Variants in TRIO observed in about 807,000 individuals in gnomAD.
TRIO encodes the protein trio Rho guanine nucleotide exchange factor.
Under a neutral mutation model 351.9 loss-of-function variants are expected in TRIO, and 58 were observed. That is an observed-to-expected ratio of 0.16 (90% CI 0.13 to 0.21). TRIO has a LOEUF of 0.21. TRIO is among the 10% of genes least tolerant of loss of function. The pLI is 1.00. For synonymous variants in TRIO, 1,758 were observed against 1,595.7 expected (o/e 1.10, Z -2.42); for missense variants, 3,201 against 4,027.8 (o/e 0.79, Z 5.56).
chr5:14,344,411 G>A (rs1742224841), intron 11 of TRIO, among the ~76,000 whole-genome samples: 2 of 152,186 alleles, frequency 1.3e-5, no homozygotes, highest in African/African-American at 4.8e-5. Flanking sequence ...TGAAATAATT[G>A]AGAAAATATA....
chr5:14,418,248 G>C lies in TRIO; in HGVS notation c.4960-1530G>C, dbSNP rs1005114966. ...AGGAGGGAGGTGCTTCTGGCCACTG[G>C]GGGGGACCTTTGCCTCCTATGCTAA... On this transcript the variant is annotated intron_variant, in intron 33 of 56. Transcript: ENST00000344204. 2.0e-5 allele frequency among the ~76,000 whole-genome samples: 3 copies of C among 152,218 alleles called. No individual in the cohort carries two copies. The South Asian group carries it at 6.2e-4, about 32-fold the overall frequency.
intron 34 of TRIO, among the ~76,000 whole-genome samples, chr5:14,442,089 T>C (rs1467010625): frequency 6.6e-6 from 1 of 152,204 alleles, no homozygotes; most frequent in Non-Finnish European, 1.5e-5. Flanking sequence ...TTTGTTTCAG[T>C]AACCTTTGAC....
intron 36 of TRIO, among the ~76,000 whole-genome samples, chr5:14,465,184 A>G (rs935226044): frequency 6.6e-6 from 1 of 151,998 alleles, no homozygotes; most frequent in East Asian, 1.9e-4. Flanking sequence ...TGTAGGTCAG[A>G]TTCTCTATTC....
chr5:14,147,488 G>A (rs1276926754), intron 1 of TRIO, among the ~76,000 whole-genome samples: 1 of 152,132 alleles, frequency 6.6e-6, no homozygotes, highest in Non-Finnish European at 1.5e-5. Flanking sequence ...CATAAATGCA[G>A]TATTTTTAAC....
At chr5:14,344,080 T>C (rs1742187314) in intron 11 of TRIO, among the ~76,000 whole-genome samples, 1 of 152,276 alleles carries the variant, frequency 6.6e-6, no homozygotes, top group South Asian at 2.1e-4. Context: ...ATTCTCTCTA[T>C]ATGCTTTTAC....
At chr5:14,223,692 T>A (rs1792795769) in intron 1 of TRIO, among the ~76,000 whole-genome samples, 1 of 152,220 alleles carries the variant, frequency 6.6e-6, no homozygotes, top group Non-Finnish European at 1.5e-5. Context: ...GGCTGCGGTG[T>A]GCAGCTGTGC....
intron 37 of TRIO, among the ~76,000 whole-genome samples, chr5:14,467,158 C>G (rs900379036): frequency 6.6e-6 from 1 of 152,162 alleles, no homozygotes; most frequent in Non-Finnish European, 1.5e-5. Context: ...CCATATTTCT[C>G]TGAACATCCA....
In TRIO at chr5:14,191,852, C is replaced by G. The variant is rs563637135; in HGVS notation, c.157+47970C>G. ...CCTGAACCTAGTGGCTCTGCTCCTT[C>G]ACCATAAAACTCTGATTTTGTTGAT... On this transcript the variant is annotated intron_variant, in intron 1 of 56. Coordinates refer to ENST00000344204, the MANE Select transcript of TRIO (RefSeq NM_007118.4). Among the ~76,000 whole-genome samples the G allele has an allele frequency of 3.3e-5, 5 of 152,324 alleles. No individual in the cohort carries two copies. The South Asian group carries it at 1.0e-3, about 32-fold the overall frequency.
intron 18 of TRIO, 99 bp downstream of exon 18, chr5:14,369,622 C>A: frequency 7.1e-7 from 1 of 1,404,856 alleles, no homozygotes; most frequent in Non-Finnish European, 9.4e-7. Flanking sequence ...CTGCCCCACA[C>A]CTCTTGCCTG....
intron 34 of TRIO, among the ~76,000 whole-genome samples, chr5:14,450,293 C>T (rs1191173724): frequency 6.6e-6 from 1 of 152,198 alleles, no homozygotes; most frequent in Admixed American, 6.5e-5. Flanking sequence ...TCATAATTCA[C>T]AAAGAAGAGC....
chr5:14,342,355 A>C (rs924114952), intron 11 of TRIO, among the ~76,000 whole-genome samples: 1 of 152,244 alleles, frequency 6.6e-6, no homozygotes, highest in Non-Finnish European at 1.5e-5. Flanking sequence ...TGGAGACTGC[A>C]TCGGGCATCT....
chr5:14,454,978 C>T (rs951985643), intron 34 of TRIO, among the ~76,000 whole-genome samples: 1 of 149,224 alleles, frequency 6.7e-6, no homozygotes, highest in Non-Finnish European at 1.5e-5. Context: ...GGTGGCACGT[C>T]TGGAGTTGTT....
chr5:14,491,311 A>G (rs1225215095), intron 48 of TRIO, among the ~76,000 whole-genome samples: 1 of 152,180 alleles, frequency 6.6e-6, no homozygotes, highest in Admixed American at 6.5e-5. Context: ...GACAAATTGC[A>G]TCTGCACTGA....
At chr5:14,297,518 G>T in intron 7 of TRIO, 1 of 393,584 alleles carries the variant, frequency 2.5e-6, no homozygotes, top group Non-Finnish European at 4.7e-6. Flanking sequence ...TGAGTGGACT[G>T]TTGATGTAAA....
intron 1 of TRIO, among the ~76,000 whole-genome samples, chr5:14,146,268 G>T (rs1003562043): frequency 6.6e-6 from 1 of 152,136 alleles, no homozygotes; most frequent in African/African-American, 2.4e-5. Context: ...CAGAAATCTG[G>T]CTTTCTTTTC....
chr5:14,498,036 T>A, intron 51 of TRIO, 53 bp from the exon 52 acceptor site: 1 of 1,612,470 alleles, frequency 6.2e-7, no homozygotes, highest in South Asian at 1.1e-5. Context: ...TGTGGGTGGG[T>A]GTGGAGGAGG....
intron 8 of TRIO, among the ~76,000 whole-genome samples, chr5:14,304,934 A>G (rs916268489): frequency 6.6e-6 from 1 of 152,202 alleles, no homozygotes; most frequent in Non-Finnish European, 1.5e-5. Flanking sequence ...AATCTTCCCA[A>G]ATGAAACCTT....
intron 11 of TRIO, among the ~76,000 whole-genome samples, chr5:14,339,098 G>C (rs1023709868): frequency 6.6e-6 from 1 of 152,088 alleles, no homozygotes; most frequent in Non-Finnish European, 1.5e-5. Context: ...AAAATTAGCC[G>C]GGTGTGGTGG....
chr5:14,164,179 C>T (rs868712194), intron 1 of TRIO, among the ~76,000 whole-genome samples: 1 of 152,308 alleles, frequency 6.6e-6, no homozygotes, highest in South Asian at 2.1e-4. Flanking sequence ...TTCTTTGACA[C>T]TTCTGTGTCA....
Sources: allele counts gnomAD v4.1 joint callset (sites outside exome capture counted in the v4.1 genomes callset), GRCh38; gene constraint gnomAD v4.1.1; transcripts MANE v1.5; gene names NCBI Gene and HGNC (gene_info 2026-07-23, HGNC 2026-07-21).